Variants in KCNK13 observed in about 807,000 individuals in gnomAD.
KCNK13 encodes potassium two pore domain channel subfamily K member 13, also known as potassium channel subfamily K member 13.
Under a neutral mutation model 23.4 loss-of-function variants are expected in KCNK13, and 12 were observed. The ratio of observed to expected loss-of-function variants is 0.51; its 90% confidence interval spans 0.33 to 0.83. KCNK13 has a LOEUF of 0.83. KCNK13 is among the 40% of genes least tolerant of loss of function. The probability of loss-of-function intolerance (pLI) is 0.02; values close to 1 mark genes in which losing one functional copy is unlikely to be tolerated. For synonymous variants in KCNK13, 231 were observed against 229.5 expected, an observed-to-expected ratio of 1.01 and a Z score of -0.06; for missense variants, 463 against 556.3, an observed-to-expected ratio of 0.83 and a Z score of 1.69.
chr14:90,120,408 A>G (rs1889724944), intron 1 of KCNK13, among the ~76,000 whole-genome samples: 1 of 152,182 alleles, frequency 6.6e-6, no homozygotes, highest in African/African-American at 2.4e-5. Context: ...GAGATTGGGT[A>G]ACTTATAAAG....
rs189324551 is a variant in KCNK13 at position 90,156,865 on chromosome 14, T to A, written c.335-27246T>A. 2.0e-5 allele frequency among the ~76,000 whole-genome samples: 3 copies of A among 152,280 alleles called. No homozygotes were observed. In the East Asian group the frequency reaches 5.8e-4, roughly 29 times the overall value. On this transcript the variant is annotated intron_variant, in intron 1 of 1. Transcript: ENST00000282146. ...GCTCTCCTTCTGCAAGCTGGAGCCTTCTAGCCCTGACAATATATGTCTCAA... is the reference window on the plus strand; with the variant it reads ...GCTCTCCTTCTGCAAGCTGGAGCCTACTAGCCCTGACAATATATGTCTCAA...
intron 1 of KCNK13, among the ~76,000 whole-genome samples, chr14:90,153,422 A>G (rs934646928): frequency 1.3e-5 from 2 of 152,244 alleles, no homozygotes; most frequent in Non-Finnish European, 2.9e-5. Flanking sequence ...AGTTTCCTGA[A>G]TAAAATGATC....
chr14:90,159,702 C>T (rs1446486190), intron 1 of KCNK13, among the ~76,000 whole-genome samples: 1 of 152,126 alleles, frequency 6.6e-6, no homozygotes, highest in Non-Finnish European at 1.5e-5. Flanking sequence ...TTATTTAGTT[C>T]TCACAAAAGT....
intron 1 of KCNK13, among the ~76,000 whole-genome samples, chr14:90,095,248 T>C (rs1295956441): frequency 1.3e-5 from 2 of 152,196 alleles, no homozygotes; most frequent in Admixed American, 6.5e-5. Flanking sequence ...TTTTCTCAGA[T>C]GTCCTTTTGT....
At chr14:90,088,366 A>T (rs980956232) in intron 1 of KCNK13, among the ~76,000 whole-genome samples, 1 of 152,148 alleles carries the variant, frequency 6.6e-6, no homozygotes, top group East Asian at 1.9e-4. Flanking sequence ...TCTGATTCAT[A>T]GCATTTGCCT....
At chr14:90,159,470 T>C (rs567976442) in intron 1 of KCNK13, among the ~76,000 whole-genome samples, 11 of 152,324 alleles carry the variant, frequency 7.2e-5, no homozygotes, top group African/African-American at 2.6e-4. Context: ...TGATAACTGG[T>C]TCTTGTCAAA....
At chr14:90,065,760 C>T (rs1394283415) in intron 1 of KCNK13, among the ~76,000 whole-genome samples, 1 of 152,138 alleles carries the variant, frequency 6.6e-6, no homozygotes, top group Non-Finnish European at 1.5e-5. Context: ...AAGGGTAGCC[C>T]TCACGCAGAG....
intron 1 of KCNK13, among the ~76,000 whole-genome samples, chr14:90,064,288 T>C (rs1888982009): frequency 6.6e-6 from 1 of 151,364 alleles, no homozygotes; most frequent in African/African-American, 2.5e-5. Context: ...TGATGGGAGA[T>C]TTGATGGCTG....
At chr14:90,142,137 CG>C (rs1890015341) in intron 1 of KCNK13, among the ~76,000 whole-genome samples, 3 of 151,912 alleles carry the variant, frequency 2.0e-5, no homozygotes, top group Admixed American at 2.0e-4. Context: ...AGGTAACTAG[CG>C]ATCTGCTCTC....
chr14:90,170,433 C>G (rs765081557), intron 1 of KCNK13, among the ~76,000 whole-genome samples: 19 of 152,164 alleles, frequency 1.2e-4, no homozygotes, highest in South Asian at 2.1e-4. Flanking sequence ...AGGCTGGTCT[C>G]CAACTCCTGA....
rs149641665 is a variant in KCNK13 at position 90,068,685 on chromosome 14, C to G, written c.334+6146C>G. 7.7e-4 allele frequency among the ~76,000 whole-genome samples: 118 copies of G among 152,284 alleles called. 2 individuals are homozygous for G. The East Asian group carries it at 0.022, about 29-fold the overall frequency. Reference sequence around the variant, plus strand: ...CAAAGTCTGTGCTTTAATAAGACACCCAGGTGAGTCCTGGGCACATTCAAG... The same window carrying G: ...CAAAGTCTGTGCTTTAATAAGACACGCAGGTGAGTCCTGGGCACATTCAAG... On this transcript the variant is annotated intron_variant, in intron 1 of 1. Transcript: ENST00000282146.
At chr14:90,098,519 C>T (rs1360169482) in intron 1 of KCNK13, among the ~76,000 whole-genome samples, 8 of 150,542 alleles carry the variant, frequency 5.3e-5, no homozygotes, top group Non-Finnish European at 7.4e-5. Context: ...CCGAGGTGGG[C>T]GGATCACCTG....
intron 1 of KCNK13, chr14:90,107,951 G>A: frequency 1.4e-6 from 1 of 738,446 alleles, no homozygotes; most frequent in Non-Finnish European, 2.5e-6. Context: ...GCAATAGAGT[G>A]GGGAACTGCT....
At chr14:90,103,360 T>C (rs1889504337) in intron 1 of KCNK13, among the ~76,000 whole-genome samples, 1 of 152,220 alleles carries the variant, frequency 6.6e-6, no homozygotes, top group Admixed American at 6.5e-5. Context: ...TCCAAACTGC[T>C]TTCCACAGTG....
At chr14:90,092,023 G>A (rs534988110) in intron 1 of KCNK13, among the ~76,000 whole-genome samples, 57 of 150,058 alleles carry the variant, frequency 3.8e-4, no homozygotes, top group African/African-American at 9.8e-4. Context: ...CCAGGTTCAC[G>A]CCATTCTCCT....
intron 1 of KCNK13, among the ~76,000 whole-genome samples, chr14:90,135,388 A>T (rs2140425015): frequency 6.6e-6 from 1 of 152,300 alleles, no homozygotes; most frequent in Non-Finnish European, 1.5e-5. Context: ...GGAGGTGCTG[A>T]GGTTCACCGA....
chr14:90,172,211 G>A (rs1408089978), intron 1 of KCNK13, among the ~76,000 whole-genome samples: 2 of 152,034 alleles, frequency 1.3e-5, no homozygotes, highest in Non-Finnish European at 2.9e-5. Context: ...CAGCTACATG[G>A]GAGGTTGAGG....
At position 90,112,876 on chromosome 14, in the gene KCNK13, G is replaced by T. The variant is rs1200517322; in HGVS notation, c.334+50337G>T. The stretch of plus-strand genomic sequence containing the variant: ...AGTAATTGATGAACCAAATATTTTT[G>T]GTAAAATTTATTGTATAAAAAAAGT... On this transcript the variant is annotated intron_variant, in intron 1 of 1. Coordinates refer to ENST00000282146, the MANE Select transcript of KCNK13 (RefSeq NM_022054.4). Among the ~76,000 whole-genome samples, 4 of 150,556 alleles carry T rather than the reference G, an allele frequency of 2.7e-5. No individual in the cohort carries two copies. The East Asian group carries it at 7.8e-4, about 29-fold the overall frequency.
At chr14:90,166,647 A>G (rs1890306784) in intron 1 of KCNK13, among the ~76,000 whole-genome samples, 3 of 151,676 alleles carry the variant, frequency 2.0e-5, no homozygotes, top group Admixed American at 2.0e-4. Flanking sequence ...TGGAGGTTCC[A>G]GTGAGCCAAG....
Sources: allele counts gnomAD v4.1 joint callset (sites outside exome capture counted in the v4.1 genomes callset), GRCh38; gene constraint gnomAD v4.1.1; transcripts MANE v1.5; gene names NCBI Gene and HGNC (gene_info 2026-07-23, HGNC 2026-07-21).